NT5E: variants seen among roughly 807,000 people sequenced by gnomAD.
NT5E encodes the protein 5'-nucleotidase.
Under a neutral mutation model 55.1 loss-of-function variants are expected in NT5E, and 53 were observed. The observed-to-expected ratio is 0.96, with a 90% CI of 0.77 to 1.21. NT5E has a LOEUF of 1.21. Ranked by LOEUF, NT5E falls within the 50% of genes most tolerant of loss-of-function variation. The probability of loss-of-function intolerance (pLI) is 0.00; values close to 1 mark genes in which losing one functional copy is unlikely to be tolerated. For synonymous variants in NT5E, 270 were observed against 278.4 expected, an observed-to-expected ratio of 0.97 and a Z score of 0.30; for missense variants, 683 against 724.3, an observed-to-expected ratio of 0.94 and a Z score of 0.65.
chr6:85,474,847 T>C (rs1436244962), intron 3 of NT5E, among the ~76,000 whole-genome samples: 1 of 152,050 alleles, frequency 6.6e-6, no homozygotes, highest in East Asian at 1.9e-4. Flanking sequence ...GGTGGGAGAA[T>C]TGCTTGAATC....
chr6:85,481,331 G>A (rs1769546732), intron 3 of NT5E, among the ~76,000 whole-genome samples: 2 of 152,190 alleles, frequency 1.3e-5, no homozygotes, highest in South Asian at 4.1e-4. Flanking sequence ...TGCTGTGAAA[G>A]CGTATAAAAG....
rs189184673 is a variant in NT5E at position 85,494,537 on chromosome 6, C to G, written c.*533C>G. 160 of 158,996 alleles carry G rather than the reference C, an allele frequency of 1.0e-3. No individual in the cohort carries two copies. The highest frequency in any genetic ancestry group is 3.1e-3 in the African/African-American group (130 of 41,594). 9.8% of individuals were successfully genotyped at this position (158,996 alleles called of 1,614,324 possible). A position where few individuals can be genotyped will look rare whatever the true frequency, so the allele number is the denominator to read the frequency against. On this transcript the variant is annotated 3_prime_UTR_variant, in exon 9 of 9. Transcript: ENST00000257770. ...CTAGGTCTTTTGAACTCAAGTCCAGCATTCTCAACTATATCAAGTTACTGT... is the reference window on the plus strand; with the variant it reads ...CTAGGTCTTTTGAACTCAAGTCCAGGATTCTCAACTATATCAAGTTACTGT...
intron 1 of NT5E, 21 bp from the exon 2 acceptor site, chr6:85,467,039 T>C (rs754269847): frequency 6.2e-7 from 1 of 1,605,602 alleles, no homozygotes; most frequent in Non-Finnish European, 8.5e-7. Context: ...TAATTCTTTT[T>C]CTCTTTTCTG....
At chr6:85,456,612 T>A (rs910192571) in intron 1 of NT5E, among the ~76,000 whole-genome samples, 2 of 152,090 alleles carry the variant, frequency 1.3e-5, no homozygotes, top group African/African-American at 4.8e-5. Flanking sequence ...CATAGGGAAA[T>A]CACGGTTTTG....
intron 1 of NT5E, among the ~76,000 whole-genome samples, chr6:85,459,418 A>C (rs1023468025): frequency 5.3e-5 from 8 of 152,232 alleles, no homozygotes; most frequent in African/African-American, 1.9e-4. Flanking sequence ...TGGAACAAAA[A>C]AATTCTTTTC....
chr6:85,470,429 C>T (rs1027560331), intron 2 of NT5E, among the ~76,000 whole-genome samples: 13 of 152,290 alleles, frequency 8.5e-5, no homozygotes, highest in African/African-American at 2.4e-4. Context: ...CTCAATAATG[C>T]TCTAATGCTG....
intron 1 of NT5E, among the ~76,000 whole-genome samples, chr6:85,456,755 C>G (rs575166255): frequency 6.6e-6 from 1 of 152,154 alleles, no homozygotes; most frequent in African/African-American, 2.4e-5. Flanking sequence ...CCACGGGAAC[C>G]AGCTGCAAAA....
intron 7 of NT5E, among the ~76,000 whole-genome samples, 155 bp downstream of exon 7, chr6:85,490,812 C>G (rs2127725609): frequency 6.6e-6 from 1 of 152,290 alleles, no homozygotes; most frequent in South Asian, 2.1e-4. Context: ...TGGCTGTGGA[C>G]TCTCAGAGCC....
intron 7 of NT5E, among the ~76,000 whole-genome samples, chr6:85,491,569 G>A (rs1769785526): frequency 6.6e-6 from 1 of 152,222 alleles, no homozygotes; most frequent in African/African-American, 2.4e-5. Flanking sequence ...ATGCCTTGTG[G>A]AAGTCACCAA....
At chr6:85,475,223 G>T (rs4291072) in intron 3 of NT5E, among the ~76,000 whole-genome samples, 4,081 of 152,188 alleles carry the variant, frequency 0.027, 199 homozygotes, top group African/African-American at 0.093. Context: ...TCCAAAGCTC[G>T]TGGATTGCAC....
At chr6:85,462,710 G>T (rs1769120298) in intron 1 of NT5E, among the ~76,000 whole-genome samples, 1 of 152,182 alleles carries the variant, frequency 6.6e-6, no homozygotes, top group Non-Finnish European at 1.5e-5. Context: ...TTTTAAATGG[G>T]CTCCATTTTG....
intron 3 of NT5E, among the ~76,000 whole-genome samples, chr6:85,478,617 T>G (rs1769482729): frequency 6.6e-6 from 1 of 152,152 alleles, no homozygotes; most frequent in African/African-American, 2.4e-5. Flanking sequence ...TTTCTTTTTT[T>G]AAAATGGTGA....
intron 3 of NT5E, among the ~76,000 whole-genome samples, chr6:85,480,959 C>T (rs1769537679): frequency 1.3e-5 from 2 of 152,144 alleles, no homozygotes; most frequent in Admixed American, 6.5e-5. Flanking sequence ...TCAGGTTCCT[C>T]TTCATTAGCT....
chr6:85,489,681 A>G (rs556946943), intron 6 of NT5E, 82 bp downstream of exon 6: 1 of 958,608 alleles, frequency 1.0e-6, no homozygotes, highest in African/African-American at 1.6e-5. Flanking sequence ...CCCTGAACAC[A>G]CCCATGTGCA....
chr6:85,490,595 A>C lies in NT5E; in HGVS notation c.1298A>C (p.Lys433Thr), dbSNP rs1769761640. The change falls in exon 7 of 9, where the codon AAG (lysine) becomes ACG (threonine). Residue 433 changes from lysine (K) to threonine (T), a missense_variant. Lys to Thr is a moderately conservative substitution (Grantham distance 78, BLOSUM62 -1). Coordinates refer to ENST00000257770, the MANE Select transcript of NT5E (RefSeq NM_002526.4). ...LVQLKGSTLK[K>T]AFEHSVHRYG... ...CAGTTAAAAGGTTCCACCCTGAAGA[A>C]GGCCTTTGAGCATAGCGTGCACCGC... 1.2e-6 allele frequency: 2 copies of C among 1,614,068 alleles called. No individual in the cohort carries two copies. Among genetic ancestry groups the C allele is most frequent in the African/African-American group, 2.7e-5 (2 of 74,936 alleles).
At position 85,490,554 on chromosome 6, in the gene NT5E, C is replaced by T. The variant is rs774548595; in HGVS notation, c.1257C>T (p.Gly419=). 16 of 1,614,078 alleles carry T rather than the reference C, an allele frequency of 9.9e-6. No homozygotes were observed. Among genetic ancestry groups the T allele is most frequent in the Non-Finnish European group, 1.4e-5 (16 of 1,180,026 alleles). Reference sequence around the variant, plus strand: ...TGGCTGCTGTATTGCCCTTTGGAGGCACATTTGACCTAGTCCAGTTAAAAG... The same window carrying T: ...TGGCTGCTGTATTGCCCTTTGGAGGTACATTTGACCTAGTCCAGTTAAAAG... ...ENLAAVLPFG[G]TFDLVQLKGS... is the part of the protein sequence containing the mutation. The change falls in exon 7 of 9, where the codon GGC becomes GGT. Residue 419 remains glycine (G), a synonymous_variant. Coordinates refer to ENST00000257770, the MANE Select transcript of NT5E (RefSeq NM_002526.4).
At chr6:85,461,939 G>T (rs139797737) in intron 1 of NT5E, among the ~76,000 whole-genome samples, 1 of 152,134 alleles carries the variant, frequency 6.6e-6, no homozygotes, top group Non-Finnish European at 1.5e-5. Flanking sequence ...AGAGAAGGGC[G>T]CTTAGCTCCA....
At chr6:85,466,968 G>T in intron 1 of NT5E, 92 bp from the exon 2 acceptor site, 1 of 1,192,440 alleles carries the variant, frequency 8.4e-7, no homozygotes, top group Non-Finnish European at 1.2e-6. Flanking sequence ...CATGCAATAT[G>T]TCTCATAGAG....
In NT5E at chr6:85,492,116, C is replaced by T. The variant is rs376526362; in HGVS notation, c.1500C>T (p.Phe500=). The change falls in exon 8 of 9, where the codon TTC becomes TTT. Residue 500 remains phenylalanine, a synonymous_variant. Transcript: ENST00000257770. The part of the protein sequence containing the change: ...DEVYKVILPN[F]LANGGDGFQM... ...TATATAAGGTGATCCTCCCAAACTTCCTGGCCAATGGTGGAGATGGGTTCC... is the reference window on the plus strand; with the variant it reads ...TATATAAGGTGATCCTCCCAAACTTTCTGGCCAATGGTGGAGATGGGTTCC... The T allele has an allele frequency of 1.5e-5, 25 of 1,614,076 alleles. No homozygotes were observed. Among genetic ancestry groups the T allele is most frequent in the African/African-American group, 6.7e-5 (5 of 74,932 alleles).
Sources: gnomAD v4.1 joint callset for allele counts (sites outside exome capture counted in the v4.1 genomes callset) on GRCh38, gnomAD v4.1.1 for gene constraint, MANE v1.5 for transcripts, NCBI Gene and HGNC (gene_info 2026-07-23, HGNC 2026-07-21) for gene names.